TMEM268: variants seen among roughly 807,000 people sequenced by gnomAD.
The protein encoded by TMEM268 is transmembrane protein C9orf91.
A neutral mutation model predicts 39.1 loss-of-function variants in TMEM268; 24 were observed. The ratio of observed to expected loss-of-function variants is 0.61; its 90% CI spans 0.44 to 0.86. The LOEUF is 0.86. Ranked by LOEUF, TMEM268 falls within the 40% of genes least tolerant of loss-of-function variation. The probability of loss-of-function intolerance (pLI) is 0.00; values close to 1 mark genes in which losing one functional copy is unlikely to be tolerated. For synonymous variants in TMEM268, 176 were observed against 173.5 expected (o/e 1.01, Z -0.12); for missense variants, 409 against 428.6 (o/e 0.95, Z 0.40).
At chr9:114,627,122 C>A in intron 4 of TMEM268, 116 bp downstream of exon 4, 1 of 695,642 alleles carries the variant, frequency 1.4e-6, no homozygotes, top group Non-Finnish European at 2.5e-6. Context: ...GGCTGTTGGC[C>A]CAGGTGCCTG....
upstream of TMEM268, among the ~76,000 whole-genome samples, chr9:114,607,691 CAA>C (rs150321529): frequency 0.025 from 3,852 of 152,086 alleles, 85 homozygotes; most frequent in East Asian, 0.079. Context: ...AACAAACAAA[CAA>C]GAGTAACTAT....
chr9:114,636,166 A>G (rs1038855276), intron 6 of TMEM268, among the ~76,000 whole-genome samples: 1 of 152,180 alleles, frequency 6.6e-6, no homozygotes, highest in Non-Finnish European at 1.5e-5. Context: ...AGGTTGTCGT[A>G]ATGTGAATGT....
At chr9:114,631,941 A>C (rs1330356378) in intron 5 of TMEM268, among the ~76,000 whole-genome samples, 4 of 151,924 alleles carry the variant, frequency 2.6e-5, no homozygotes, top group African/African-American at 9.7e-5. Flanking sequence ...TCTCTACAAA[A>C]AATTTAAAAG....
chr9:114,635,170 G>A (rs914334870), intron 6 of TMEM268, among the ~76,000 whole-genome samples: 1 of 151,154 alleles, frequency 6.6e-6, no homozygotes, highest in Non-Finnish European at 1.5e-5. Flanking sequence ...GTGAAACCCC[G>A]TCTCTACTAA....
At chr9:114,609,521 A>C (rs1170861604), upstream of TMEM268, among the ~76,000 whole-genome samples, 3 of 151,482 alleles carry the variant, frequency 2.0e-5, no homozygotes, top group African/African-American at 4.9e-5. Flanking sequence ...AAAAACAAAA[A>C]CAAAAACAAA....
chr9:114,634,002 T>C, intron 6 of TMEM268, 124 bp downstream of exon 6: 1 of 501,860 alleles, frequency 2.0e-6, no homozygotes, highest in South Asian at 3.4e-5. Flanking sequence ...GAGATGGCTG[T>C]TGGCAGCCCT....
chr9:114,635,964 A>C (rs1022315001), intron 6 of TMEM268, among the ~76,000 whole-genome samples: 5 of 152,132 alleles, frequency 3.3e-5, no homozygotes, highest in Admixed American at 1.3e-4. Context: ...CATTTGAGAA[A>C]TCCTCCCTTG....
At chr9:114,631,396 A>G (rs1846393886) in intron 5 of TMEM268, among the ~76,000 whole-genome samples, 1 of 152,114 alleles carries the variant, frequency 6.6e-6, no homozygotes, top group African/African-American at 2.4e-5. Flanking sequence ...TGCGGCTAAT[A>G]TGGCACAGTG....
intron 7 of TMEM268, among the ~76,000 whole-genome samples, chr9:114,637,676 C>T (rs903754782): frequency 4.6e-5 from 7 of 152,188 alleles, no homozygotes; most frequent in Admixed American, 1.3e-4. Context: ...TACTTGTTCA[C>T]AGTGCCTTTC....
intron 1 of TMEM268, chr9:114,615,374 C>CT (rs1294061495): frequency 6.6e-6 from 1 of 152,218 alleles, no homozygotes; most frequent in Non-Finnish European, 1.5e-5. Flanking sequence ...ATTTGGAGAG[C>CT]TGAAGCTGTC....
At chr9:114,641,508 AC>A (rs1292654287) in intron 8 of TMEM268, among the ~76,000 whole-genome samples, 1 of 152,194 alleles carries the variant, frequency 6.6e-6, no homozygotes, top group East Asian at 1.9e-4. Context: ...ATCTTTACAG[AC>A]CAACTGTGTT....
intron 8 of TMEM268, 76 bp downstream of exon 8, chr9:114,638,802 C>G (rs115482812): frequency 0.039 from 44,519 of 1,137,732 alleles, 1,126 homozygotes; most frequent in Middle Eastern, 0.1. Flanking sequence ...GTGGGGGCTT[C>G]TTAGATTCCC....
chr9:114,632,320 C>G (rs1846437559), intron 5 of TMEM268, among the ~76,000 whole-genome samples: 1 of 152,170 alleles, frequency 6.6e-6, no homozygotes, highest in Non-Finnish European at 1.5e-5. Flanking sequence ...CCCTCATCCA[C>G]TAAGTGCCAG....
At chr9:114,638,407 C>A (rs570791505) in intron 7 of TMEM268, 137 bp from the exon 8 acceptor site, 9 of 584,760 alleles carry the variant, frequency 1.5e-5, no homozygotes, top group Non-Finnish European at 2.7e-5. Flanking sequence ...ATCCCGAATG[C>A]GACCAGCTTT....
intron 2 of TMEM268, chr9:114,622,376 G>T (rs1214670375): frequency 1.0e-6 from 1 of 985,276 alleles, no homozygotes; most frequent in Non-Finnish European, 1.2e-6. Context: ...TAGAATCCCA[G>T]GGCTGGAATC....
intron 6 of TMEM268, among the ~76,000 whole-genome samples, chr9:114,634,255 T>G (rs1394143910): frequency 2.0e-5 from 3 of 152,086 alleles, no homozygotes; most frequent in African/African-American, 7.2e-5. Flanking sequence ...AGGCATACAG[T>G]GAGACAGTCA....
intron 2 of TMEM268, among the ~76,000 whole-genome samples, chr9:114,619,293 G>GCACACACACA (rs10552544): frequency 1.3e-5 from 2 of 150,294 alleles, no homozygotes; most frequent in Admixed American, 1.3e-4. Flanking sequence ...GTGCACGCGT[G>GCACACACACA]CACACACACA....
intron 2 of TMEM268, 125 bp from the exon 3 acceptor site, chr9:114,624,225 C>T (rs762322784): frequency 1.1e-4 from 164 of 1,465,244 alleles, no homozygotes; most frequent in Middle Eastern, 6.9e-4. Context: ...GGATGGCCAC[C>T]GTGTCCCTCC....
chr9:114,638,124 C>A (rs150485370), intron 7 of TMEM268, among the ~76,000 whole-genome samples: 2 of 152,202 alleles, frequency 1.3e-5, no homozygotes, highest in African/African-American at 4.8e-5. Flanking sequence ...ACACTGCAAC[C>A]TCTGCCTCCC....
Sources: allele counts gnomAD v4.1 joint callset (sites outside exome capture counted in the v4.1 genomes callset), GRCh38; gene constraint gnomAD v4.1.1; transcripts MANE v1.5; gene names NCBI Gene and HGNC (gene_info 2026-07-23, HGNC 2026-07-21).